Variants in PLCD3 observed in about 807,000 individuals in gnomAD.
PLCD3 encodes phospholipase C delta 3.
PLCD3 carries 62 observed loss-of-function variants against 82.8 expected under a neutral mutation model. That is an observed-to-expected ratio of 0.75 (90% confidence interval 0.61 to 0.93). The LOEUF (loss-of-function observed/expected upper bound fraction) is 0.93, where lower values mean the gene tolerates loss of function less well. Among genes scored for constraint, PLCD3 ranks in the 40% least tolerant of loss-of-function variants. The probability of loss-of-function intolerance (pLI) is 0.00; values close to 1 mark genes in which losing one functional copy is unlikely to be tolerated. For missense variants in PLCD3, 1,023 were observed against 1,103.4 expected, an observed-to-expected ratio of 0.93 and a Z score of 1.03; for synonymous variants, 478 against 471.8, an observed-to-expected ratio of 1.01 and a Z score of -0.17.
In PLCD3 at chr17:45,118,323, G is replaced by C. The variant is rs1316719089; in HGVS notation, c.1083C>G (p.Ile361Met). 9.3e-6 allele frequency: 15 copies of C among 1,614,054 alleles called. No homozygotes were observed. In the East Asian group the frequency reaches 3.1e-4, roughly 34 times the overall value. Residue 361 changes from isoleucine to methionine, a missense_variant, in exon 6 of 15, where the codon ATC becomes ATG. Transcript: ENST00000619929. This position sits in a 1 kb window ranked among gnomAD's most constrained non-coding sequence, Gnocchi z 4.1. ...AGGCCTCGGTGCTGCTGGGCCCCCC[G>C]ATCTGGGAGTCAGTCAGATAGGTGT... is the stretch of plus-strand genomic sequence containing the variant. Reference protein sequence around the residue: ...SHNTYLTDSQIGGPSSTEAYV... With the variant: ...SHNTYLTDSQMGGPSSTEAYV...
Position 45,132,228 on chromosome 17 carries a change from G to T in PLCD3, c.163+20C>A. On this transcript the variant is annotated intron_variant, in intron 1 of 14. Coordinates refer to ENST00000619929, the MANE Select transcript of PLCD3 (RefSeq NM_133373.5). The surrounding 1 kb of genome is among the most constrained non-coding windows in gnomAD (Gnocchi z 4.6). ...GGGAACGGTCCGCGCCCACCCCACC[G>T]CCCCTTGCCCGTCACTGACCCATCT... The T allele has an allele frequency of 7.9e-7, 1 of 1,261,202 alleles. No individual in the cohort carries two copies. The highest frequency in any genetic ancestry group is 3.8e-5 in the South Asian group (1 of 26,482). The allele number at this position is 1,261,202 out of a possible 1,614,324, so 78.1% of individuals were successfully genotyped here.
Position 45,118,925 on chromosome 17 carries a change from C to T in PLCD3, c.803G>A (p.Arg268His), listed in dbSNP as rs368856948. The change falls in exon 5 of 15, where the codon CGC becomes CAC. Residue 268 changes from arginine (R) to histidine (H), a missense_variant. Coordinates refer to ENST00000619929, the MANE Select transcript of PLCD3 (RefSeq NM_133373.5). The surrounding 1 kb of genome is among the most constrained non-coding windows in gnomAD (Gnocchi z 4.1). ...EIFHQYSGED[R>H]VLSAPELLEF... is the part of the protein sequence containing the mutation. ...CAGCAGCTCAGGGGCACTCAGCACG[C>T]GGTCCTCGCCCGAGTACTGATGGAA... is the stretch of plus-strand genomic sequence containing the variant. 2.5e-5 allele frequency: 41 copies of T among 1,612,628 alleles called. No homozygotes were observed. In the African/African-American group the frequency reaches 4.9e-4, roughly 19 times the overall value.
Position 45,112,561 on chromosome 17 carries a change from C to T in PLCD3, c.*55G>A. The T allele has an allele frequency of 1.3e-6, 2 of 1,505,474 alleles. No homozygotes were observed. Among genetic ancestry groups the T allele is most frequent in the South Asian group, 2.4e-5 (2 of 83,168 alleles). 93.3% of individuals were successfully genotyped at this position (1,505,474 alleles called of 1,614,324 possible). On this transcript the variant is annotated 3_prime_UTR_variant, in exon 15 of 15. Coordinates refer to ENST00000619929, the MANE Select transcript of PLCD3 (RefSeq NM_133373.5). ...CCTGACTCCAGAGGAGGAGAGGGCT[C>T]TGCAGGGGATGTGGACTGGCACTCG...
chr17:45,130,713 C>T (rs2054416511), intron 1 of PLCD3, among the ~76,000 whole-genome samples: 1 of 152,136 alleles, frequency 6.6e-6, no homozygotes, highest in Non-Finnish European at 1.5e-5. Flanking sequence ...CCCCTGCCTT[C>T]ATCCAACCTG....
In PLCD3 at chr17:45,127,812, G is replaced by A. The variant is rs556616674; in HGVS notation, c.163+4436C>T. On this transcript the variant is annotated intron_variant, in intron 1 of 14. Coordinates refer to ENST00000619929, the MANE Select transcript of PLCD3 (RefSeq NM_133373.5). ...TGAGTGAATGTGTGTGAGTGTGTGCGTGTGAGTGTGTGTGTGCGTACAGGG... is the reference window on the plus strand; with the variant it reads ...TGAGTGAATGTGTGTGAGTGTGTGCATGTGAGTGTGTGTGTGCGTACAGGG... 3.4e-3 allele frequency among the ~76,000 whole-genome samples: 117 copies of A among 34,288 alleles called. 1 individual carries two copies. In the East Asian group the frequency reaches 0.054, roughly 16 times the overall value. 22.5% of individuals were successfully genotyped at this position (34,288 alleles called of 152,430 possible). A position where few individuals can be genotyped will look rare whatever the true frequency, so the allele number is the denominator to read the frequency against.
chr17:45,117,047 G>A (rs1022789261), intron 7 of PLCD3, among the ~76,000 whole-genome samples: 20 of 152,052 alleles, frequency 1.3e-4, no homozygotes, highest in Admixed American at 2.6e-4. Context: ...GGGTTCAAGC[G>A]ATTCTCCCTG....
At chr17:45,120,543 G>A in intron 3 of PLCD3, 89 bp from the exon 4 acceptor site, 1 of 1,567,452 alleles carries the variant, frequency 6.4e-7, no homozygotes, top group Non-Finnish European at 8.7e-7. Context: ...CCTGGGTCTG[G>A]GGGATCCCCA....
chr17:45,126,737 C>A (rs899450234), intron 1 of PLCD3, among the ~76,000 whole-genome samples: 1 of 151,970 alleles, frequency 6.6e-6, no homozygotes, highest in South Asian at 2.1e-4. Flanking sequence ...CTCACTGCAG[C>A]AGCCTCAAAC....
chr17:45,117,566 A>G (rs193251137), intron 7 of PLCD3, among the ~76,000 whole-genome samples: 71 of 152,348 alleles, frequency 4.7e-4, no homozygotes, highest in Middle Eastern at 3.4e-3. Context: ...CATGTGAATG[A>G]CATTGACTAT....
At position 45,118,880 on chromosome 17, in the gene PLCD3, C is replaced by G; in HGVS notation, c.848G>C (p.Gly283Ala). The change falls in exon 5 of 15, where the codon GGC (glycine) becomes GCC (alanine). Residue 283 changes from glycine to alanine, a missense_variant. By Grantham distance (60) the Gly-to-Ala change is moderately conservative. This residue lies in a region of PLCD3 where 448 missense variants were observed against 406.3 expected (regional missense o/e 1.10). Coordinates refer to ENST00000619929, the MANE Select transcript of PLCD3 (RefSeq NM_133373.5). The surrounding 1 kb of genome is among the most constrained non-coding windows in gnomAD (Gnocchi z 4.1). ...PELLEFLEDQ[G>A]EEGATLARAQ... Reference sequence around the variant, plus strand: ...GCGGGCCAGTGTGGCGCCCTCCTCGCCCTGGTCCTCCAGGAACTCCAGCAG... The same window carrying G: ...GCGGGCCAGTGTGGCGCCCTCCTCGGCCTGGTCCTCCAGGAACTCCAGCAG... 1 of 1,612,402 alleles carries G rather than the reference C, an allele frequency of 6.2e-7. No homozygotes were observed. The highest frequency in any genetic ancestry group is 1.3e-5 in the African/African-American group (1 of 75,048).
rs779574131 is a variant in PLCD3, at chr17:45,113,170, C to T, written c.2083G>A (p.Val695Met). The stretch of plus-strand genomic sequence containing the variant: ...TCCTGCCGGGCACAGTCTGCGGGCA[C>T]CCCATGGATCTCAATGCGCACCAGG... ...DPLVRIEIHG[V>M]PADCARQETD... Residue 695 changes from valine (V) to methionine (M), a missense_variant, in exon 13 of 15, where the codon GTG becomes ATG. Val to Met is a conservative substitution (Grantham distance 21). Coordinates refer to ENST00000619929, the MANE Select transcript of PLCD3 (RefSeq NM_133373.5). The T allele has an allele frequency of 6.2e-7, 1 of 1,613,026 alleles. No individual in the cohort carries two copies. The highest frequency in any genetic ancestry group is 1.7e-5 in the Admixed American group (1 of 59,886).
chr17:45,119,841 C>T (rs942528140), intron 4 of PLCD3, among the ~76,000 whole-genome samples: 5 of 144,788 alleles, frequency 3.5e-5, no homozygotes, highest in African/African-American at 1.0e-4. Context: ...CACATGCACA[C>T]AGAGGTCTGC....
At chr17:45,125,093 G>A (rs781004673) in intron 1 of PLCD3, among the ~76,000 whole-genome samples, 9 of 151,404 alleles carry the variant, frequency 5.9e-5, no homozygotes, top group Middle Eastern at 3.2e-3. Context: ...TTGGAAGGCC[G>A]AAGCAGGCAG....
At chr17:45,119,153 A>T in intron 4 of PLCD3, 110 bp from the exon 5 acceptor site, 1 of 801,334 alleles carries the variant, frequency 1.2e-6, no homozygotes, top group Non-Finnish European at 1.9e-6. Context: ...CCCATTTCAC[A>T]GGTGGAAAAA....
At chr17:45,126,109 A>C (rs1440873639) in intron 1 of PLCD3, among the ~76,000 whole-genome samples, 2 of 148,052 alleles carry the variant, frequency 1.4e-5, no homozygotes, top group Non-Finnish European at 1.5e-5. Context: ...AGTAGCACGA[A>C]CTTGGCTCAC....
chr17:45,113,735 AC>A, intron 11 of PLCD3, 130 bp from the exon 12 acceptor site: 1 of 1,142,224 alleles, frequency 8.8e-7, no homozygotes, highest in East Asian at 2.6e-5. Context: ...CTCTGCTCCC[AC>A]CATGACTTTA....
In PLCD3 at chr17:45,117,237, G is replaced by T. The variant is rs558512126; in HGVS notation, c.1261-453C>A. ...TGGGATTACAGGTGAGAGCCACCAC[G>T]CCTGGCCGATTTTTTGTTGTTGTTG... On this transcript the variant is annotated intron_variant, in intron 7 of 14. Transcript: ENST00000619929. 1.2e-3 allele frequency among the ~76,000 whole-genome samples: 178 copies of T among 151,904 alleles called. 1 individual carries two copies. The highest frequency in any genetic ancestry group is 4.1e-3 in the African/African-American group (170 of 41,382).
At chr17:45,115,064 C>A in intron 10 of PLCD3, 30 bp downstream of exon 10, 4 of 1,575,422 alleles carry the variant, frequency 2.5e-6, no homozygotes, top group African/African-American at 1.4e-5. Flanking sequence ...CACCCTCTCG[C>A]CCCCAGACAC....
Position 45,124,188 on chromosome 17 carries a change from T to G in PLCD3, c.164-2816A>C, listed in dbSNP as rs530230510. ...GCCAAGCCCATGGGTGTGGGGGAGATGAGTGACTAAGGCCGGAAATGGGGG... is the reference window on the plus strand; with the variant it reads ...GCCAAGCCCATGGGTGTGGGGGAGAGGAGTGACTAAGGCCGGAAATGGGGG... On this transcript the variant is annotated intron_variant, in intron 1 of 14. Coordinates refer to ENST00000619929, the MANE Select transcript of PLCD3 (RefSeq NM_133373.5). 2.0e-5 allele frequency among the ~76,000 whole-genome samples: 3 copies of G among 152,250 alleles called. No homozygotes were observed. In the East Asian group the frequency reaches 5.8e-4, roughly 29 times the overall value.
Sources: gnomAD v4.1 joint callset for allele counts (sites outside exome capture counted in the v4.1 genomes callset) on GRCh38, gnomAD v4.1.1 for gene constraint, gnomAD v4.1.1 regional missense constraint, Gnocchi (gnomAD v3.1) non-coding constraint, MANE v1.5 for transcripts, NCBI Gene and HGNC (gene_info 2026-07-23, HGNC 2026-07-21) for gene names.